GRHL1: variants seen among roughly 807,000 people sequenced by gnomAD.
GRHL1 encodes the protein grainyhead-like protein 1 homolog.
A neutral mutation model predicts 75.7 loss-of-function variants in GRHL1; 38 were observed. The observed-to-expected ratio is 0.50, with a 90% CI of 0.39 to 0.66. The LOEUF (loss-of-function observed/expected upper bound fraction) is 0.66, where lower values mean the gene tolerates loss of function less well. Among genes scored for constraint, GRHL1 ranks in the 30% least tolerant of loss-of-function variants. The pLI, the probability that GRHL1 is intolerant of heterozygous loss-of-function variation, is 0.00. For synonymous variants in GRHL1, 266 were observed against 279.4 expected, an observed-to-expected ratio of 0.95 and a Z score of 0.48; for missense variants, 589 against 767.5, an observed-to-expected ratio of 0.77 and a Z score of 2.75.
chr2:9,999,798 A>G (rs1385779744), intron 15 of GRHL1, among the ~76,000 whole-genome samples: 1 of 152,224 alleles, frequency 6.6e-6, no homozygotes, highest in Non-Finnish European at 1.5e-5. Flanking sequence ...AAATTTCTAG[A>G]TGGTTCTAGT....
Position 9,986,285 on chromosome 2 carries a change from A to G in GRHL1, c.1269+3A>G. ...AGATCAAGGTCTTCTGTGACAAGGT[A>G]AGATCGGCAGGGATGCTTGGAACAA... On this transcript the variant is annotated splice_donor_region_variant and intron_variant, in intron 9 of 15. Transcript: ENST00000324907. 6.2e-7 allele frequency: 1 copy of G among 1,612,000 alleles called. No homozygotes were observed. The highest frequency in any genetic ancestry group is 8.5e-7 in the Non-Finnish European group (1 of 1,178,952).
In GRHL1 at chr2:9,998,623, CACATATACATATATATGTACACATAT is replaced by C. The variant is rs1558320419; in HGVS notation, c.1678-314_1678-289del. On this transcript the variant is annotated intron_variant, in intron 14 of 15. Coordinates refer to ENST00000324907, the MANE Select transcript of GRHL1 (RefSeq NM_198182.3). ...ACATATATATATACATATATATGTACACATATACATATATATGTACACATATACATATACATATATATGTACACATA... is the reference window on the plus strand; with the variant it reads ...ACATATATATATACATATATATGTACACATATACATATATATGTACACATA... 7.8e-4 allele frequency among the ~76,000 whole-genome samples: 27 copies of C among 34,430 alleles called. 4 individuals are homozygous for C. The highest frequency in any genetic ancestry group is 3.1e-3 in the Admixed American group (9 of 2,884). The allele number at this position is 34,430 out of a possible 152,430, so 22.6% of individuals were successfully genotyped here.
chr2:9,962,370 A>G, intron 4 of GRHL1, 85 bp from the exon 5 acceptor site: 1 of 777,714 alleles, frequency 1.3e-6, no homozygotes, highest in Non-Finnish European at 2.3e-6. Context: ...TGTAAGCCAC[A>G]TACTTTTATG....
In GRHL1 at chr2:9,978,199, C is replaced by T. The variant is rs74410898; in HGVS notation, c.1111-7925C>T. Among the ~76,000 whole-genome samples, 203 of 152,266 alleles carry T rather than the reference C, an allele frequency of 1.3e-3. 1 individual carries two copies. The highest frequency in any genetic ancestry group is 4.6e-3 in the African/African-American group (191 of 41,542). On this transcript the variant is annotated intron_variant, in intron 8 of 15. Transcript: ENST00000324907. ...ACACAGCCAAACCATATCATCTGTC[C>T]TCACAGGGAGTTTGAGGGAAGGAAA...
Sources: allele counts gnomAD v4.1 joint callset (sites outside exome capture counted in the v4.1 genomes callset), GRCh38; gene constraint gnomAD v4.1.1; transcripts MANE v1.5; gene names NCBI Gene and HGNC (gene_info 2026-07-23, HGNC 2026-07-21).